ARMCX4: variants seen among roughly 807,000 people sequenced by gnomAD.
The protein encoded by ARMCX4 is armadillo repeat-containing X-linked protein 4.
In ARMCX4, 3 loss-of-function variants were observed where a neutral mutation model predicts 34.7. The observed-to-expected ratio is 0.09, with a 90% CI of 0.04 to 0.22. The LOEUF is 0.22. Among genes scored for constraint, ARMCX4 ranks in the 10% least tolerant of loss-of-function variants. The pLI is 1.00. For synonymous variants in ARMCX4, 513 were observed against 632.8 expected (o/e 0.81, Z 2.84); for missense variants, 1,448 against 1,720.8 (o/e 0.84, Z 2.81).
rs1410507246 is a variant in ARMCX4, at chrX:101,493,978, T to C, written c.5389T>C (p.Ser1797Pro). Residue 1797 changes from serine (S) to proline (P), a missense_variant, in exon 6 of 6, where the codon TCT becomes CCT. Ser to Pro is a moderately conservative substitution (Grantham distance 74). Around this residue, in one of 2 missense-constraint regions of ARMCX4, gnomAD observed 1,343 missense variants for 1,540.7 expected, o/e 0.87. Transcript: ENST00000423738. Reference protein sequence around the residue: ...NKASSGSWIRSEEVAYMGSCV... With the variant: ...NKASSGSWIRPEEVAYMGSCV... The stretch of plus-strand genomic sequence containing the variant: ...GGCTAGTAGTGGCTCCTGGATTAGA[T>C]CTGAGGAGGTGGCTTATATGGGCTC... 28 of 787,297 alleles carry C rather than the reference T, an allele frequency of 3.6e-5. No homozygotes were observed. The highest frequency in any genetic ancestry group is 4.9e-5 in the African/African-American group (1 of 20,546). The allele number at this position is 787,297 out of a possible 1,213,427, so 64.9% of individuals were successfully genotyped here.
intron 7 of ARMCX4, among the ~76,000 whole-genome samples, chrX:101,500,864 C>CA (rs1556013423): frequency 2.7e-5 from 3 of 111,578 alleles, no homozygotes; most frequent in African/African-American, 9.8e-5. Flanking sequence ...TACTAGTCCA[C>CA]AATGTCTGTG....
At chrX:101,513,763 AC>A (rs1934648921) in intron 11 of ARMCX4, among the ~76,000 whole-genome samples, 1 of 110,675 alleles carries the variant, frequency 9.0e-6, no homozygotes, top group Non-Finnish European at 1.9e-5. Flanking sequence ...AGGTCAGGTG[AC>A]CTACACCTTC....
chrX:101,433,193 C>T (rs782804899), intron 2 of ARMCX4, among the ~76,000 whole-genome samples: 1 of 44,979 alleles, frequency 2.2e-5, no homozygotes, highest in South Asian at 8.0e-4. Flanking sequence ...CGCACACATA[C>T]ACATATATGT....
chrX:101,488,380 C>G, intron 5 of ARMCX4, 64 bp from the exon 6 acceptor site: 1 of 1,000,597 alleles, frequency 1.0e-6, no homozygotes, highest in Non-Finnish European at 1.3e-6. Flanking sequence ...CTCTGTGTAT[C>G]TATCTGTATG....
chrX:101,489,539 G>A lies in ARMCX4; in HGVS notation c.950G>A (p.Arg317Lys). 1 of 1,155,618 alleles carries A rather than the reference G, an allele frequency of 8.7e-7. No homozygotes were observed. Among genetic ancestry groups the A allele is most frequent in the Non-Finnish European group, 1.1e-6 (1 of 872,908 alleles). Residue 317 changes from arginine to lysine, a missense_variant, in exon 6 of 6, where the codon AGG (arginine) becomes AAG (lysine). By Grantham distance (26) the Arg-to-Lys change is conservative. Transcript: ENST00000423738. ...AGGGCAGAGTCTGGGGCAGACACGAGGGCTTCTGCTCAGCCTCAAATTTTT... is the reference window on the plus strand; with the variant it reads ...AGGGCAGAGTCTGGGGCAGACACGAAGGCTTCTGCTCAGCCTCAAATTTTT... ...MSRAESGADTRASAQPQIFAK... is the reference protein window; with the variant it reads ...MSRAESGADTKASAQPQIFAK...
intron 11 of ARMCX4, among the ~76,000 whole-genome samples, chrX:101,515,105 G>A (rs1934678671): frequency 9.0e-6 from 1 of 111,267 alleles, no homozygotes; most frequent in Non-Finnish European, 1.9e-5. Context: ...GAAGCCCTGA[G>A]CTCATCCCTT....
chrX:101,519,992 G>A (rs1485037081), intron 11 of ARMCX4, among the ~76,000 whole-genome samples: 3 of 111,253 alleles, frequency 2.7e-5, no homozygotes, highest in African/African-American at 9.8e-5. Flanking sequence ...CATTCAAGTC[G>A]TTTGCTTATT....
chrX:101,495,694 A>G lies in ARMCX4; in HGVS notation c.*232A>G. On this transcript the variant is annotated 3_prime_UTR_variant, in exon 6 of 6. Coordinates refer to ENST00000423738, the MANE Select transcript of ARMCX4 (RefSeq NM_001256155.3). Reference sequence around the variant, plus strand: ...AGTATGCTTCATGAGCAGAAACTGAATGGATTCTTCATAAGTAAGGTAATC... The same window carrying G: ...AGTATGCTTCATGAGCAGAAACTGAGTGGATTCTTCATAAGTAAGGTAATC... 2 of 300,639 alleles carry G rather than the reference A, an allele frequency of 6.7e-6. No individual in the cohort carries two copies. Among genetic ancestry groups the G allele is most frequent in the Non-Finnish European group, 1.2e-5 (2 of 173,615 alleles). The allele number at this position is 300,639 out of a possible 1,213,427, so 24.8% of individuals were successfully genotyped here.
At chrX:101,525,216 C>A (rs1934939531) in intron 11 of ARMCX4, among the ~76,000 whole-genome samples, 1 of 112,115 alleles carries the variant, frequency 8.9e-6, no homozygotes, top group Non-Finnish European at 1.9e-5. Flanking sequence ...TCCAACAGAC[C>A]TGCAGCTAAG....
chrX:101,532,138 G>A (rs1935141711), intron 12 of ARMCX4: 1 of 111,677 alleles, frequency 9.0e-6, no homozygotes, highest in African/African-American at 3.3e-5. Flanking sequence ...GCTGTTCCTG[G>A]GAGTACTGTA....
chrX:101,472,533 A>C (rs1556003260), intron 4 of ARMCX4, among the ~76,000 whole-genome samples: 3 of 64,247 alleles, frequency 4.7e-5, no homozygotes, highest in Non-Finnish European at 8.1e-5. Context: ...AAATGAAGGA[A>C]AAAATGTTAA....
At chrX:101,488,383 T>A (rs1933844341) in intron 5 of ARMCX4, 61 bp from the exon 6 acceptor site, 13 of 1,016,117 alleles carry the variant, frequency 1.3e-5, no homozygotes, top group African/African-American at 1.9e-5. Flanking sequence ...TGTGTATCTA[T>A]CTGTATGATG....
intron 7 of ARMCX4, among the ~76,000 whole-genome samples, chrX:101,501,672 T>C (rs781906377): frequency 8.9e-6 from 1 of 112,547 alleles, no homozygotes; most frequent in South Asian, 3.7e-4. Context: ...AGGAATGGGT[T>C]TTTGGAATTT....
At chrX:101,505,269 C>G (rs1332856962) in exon 8 of ARMCX4, 4 of 110,790 alleles carry the variant, frequency 3.6e-5, no homozygotes, top group African/African-American at 1.3e-4. Flanking sequence ...CCTGTTTCCC[C>G]TTTTGTTTCT....
chrX:101,517,519 T>G (rs1934768646), intron 11 of ARMCX4, among the ~76,000 whole-genome samples: 1 of 111,181 alleles, frequency 9.0e-6, no homozygotes, highest in African/African-American at 3.3e-5. Flanking sequence ...ATTCTTTTTT[T>G]GTACTTCTGC....
upstream of ARMCX4, among the ~76,000 whole-genome samples, chrX:101,481,966 G>T (rs1365230895): frequency 3.6e-5 from 4 of 111,463 alleles, no homozygotes; most frequent in African/African-American, 9.8e-5. Flanking sequence ...AGGCGTGGTG[G>T]CTCACACCTG....
At chrX:101,487,719 A>G in intron 4 of ARMCX4, 28 bp downstream of exon 4, 1 of 843,646 alleles carries the variant, frequency 1.2e-6, no homozygotes, top group Non-Finnish European at 1.6e-6. Context: ...GCCTGGGTAG[A>G]CCTCTAGAGT....
chrX:101,513,036 G>A (rs1477231530), intron 11 of ARMCX4, among the ~76,000 whole-genome samples: 3 of 109,162 alleles, frequency 2.7e-5, no homozygotes, highest in African/African-American at 1.0e-4. Flanking sequence ...AGGGCATGTT[G>A]CAGGCTAGAA....
chrX:101,471,150 T>C (rs782315623), intron 4 of ARMCX4, among the ~76,000 whole-genome samples: 1 of 112,432 alleles, frequency 8.9e-6, no homozygotes, highest in East Asian at 2.8e-4. Context: ...GATTTTTCTT[T>C]TTATTGTTGA....
Sources: gnomAD v4.1 joint callset for allele counts (sites outside exome capture counted in the v4.1 genomes callset) on GRCh38, gnomAD v4.1.1 for gene constraint, gnomAD v4.1.1 regional missense constraint, MANE v1.5 for transcripts, NCBI Gene and HGNC (gene_info 2026-07-23, HGNC 2026-07-21) for gene names.